The following MASTL variants were observed in gnomAD, a reference collection of about 807,000 sequenced individuals.
MASTL encodes the protein serine/threonine-protein kinase greatwall.
Under a neutral mutation model 82.5 loss-of-function variants are expected in MASTL, and 54 were observed. The ratio of observed to expected loss-of-function variants is 0.65; its 90% CI spans 0.53 to 0.82. MASTL has a LOEUF of 0.82. Among genes scored for constraint, MASTL ranks in the 40% least tolerant of loss-of-function variants. The pLI is 0.00. For missense variants in MASTL, 950 were observed against 1,047.8 expected (o/e 0.91, Z 1.29); for synonymous variants, 323 against 368.9 (o/e 0.88, Z 1.43).
At chr10:27,176,817 T>C (rs788217) in intron 9 of MASTL, among the ~76,000 whole-genome samples, 150,171 of 151,124 alleles carry the variant, frequency 0.99, 74,618 homozygotes, top group Middle Eastern at 1. Context: ...AAGAAAACTT[T>C]TTGAGGAGAC....
Position 27,186,608 on chromosome 10 carries a change from T to A in MASTL, c.*72T>A. 1 of 1,263,876 alleles carries A rather than the reference T, an allele frequency of 7.9e-7. No homozygotes were observed. Among genetic ancestry groups the A allele is most frequent in the Non-Finnish European group, 1.2e-6 (1 of 860,688 alleles). 78.3% of individuals were successfully genotyped at this position (1,263,876 alleles called of 1,614,324 possible). The stretch of plus-strand genomic sequence containing the variant: ...TGCATAATTATATACTCCTTAATAC[T>A]AGATTGATCTAAGGGGGAAAGATCA... On this transcript the variant is annotated 3_prime_UTR_variant, in exon 12 of 12. Transcript: ENST00000375940.
In MASTL at chr10:27,155,435, C is replaced by T. The variant is rs2057325059; in HGVS notation, c.9C>T (p.Pro3=). Residue 3 remains proline, a synonymous_variant, in exon 1 of 12, where the codon CCC becomes CCT. Coordinates refer to ENST00000375940, the MANE Select transcript of MASTL (RefSeq NM_001172303.3). MD[P]TAGSKKEPGG... ...CTGTATGCTGTCCAGCGATGGATCCCACCGCGGGAAGCAAGAAGGAGCCTG... is the reference window on the plus strand; with the variant it reads ...CTGTATGCTGTCCAGCGATGGATCCTACCGCGGGAAGCAAGAAGGAGCCTG... The T allele has an allele frequency of 3.7e-6, 6 of 1,610,028 alleles. No homozygotes were observed. Among genetic ancestry groups the T allele is most frequent in the Non-Finnish European group, 5.1e-6 (6 of 1,178,712 alleles).
rs1312577515 is a variant in MASTL, at chr10:27,167,123, A to T, written c.833A>T (p.Asn278Ile). ...ATAGGTCTTGAAACAGTTGCCTCCA[A>T]CCCAGGAATGCCTGTGAAGTGTCTA... ...LKSCLETVASNPGMPVKCLTS... is the reference protein window; with the variant it reads ...LKSCLETVASIPGMPVKCLTS... The change falls in exon 7 of 12, where the codon AAC becomes ATC. Residue 278 changes from asparagine (N) to isoleucine (I), a missense_variant. Asn to Ile is a moderately radical substitution (Grantham distance 149, BLOSUM62 -3). Transcript: ENST00000375940. 2 of 1,613,890 alleles carry T rather than the reference A, an allele frequency of 1.2e-6. No homozygotes were observed. Among genetic ancestry groups the T allele is most frequent in the African/African-American group, 2.7e-5 (2 of 74,908 alleles).
Position 27,187,127 on chromosome 10 carries a change from C to T in MASTL, c.*591C>T, listed in dbSNP as rs2058811194. Among the ~76,000 whole-genome samples, 1 of 151,996 alleles carries T rather than the reference C, an allele frequency of 6.6e-6. No individual in the cohort carries two copies. The highest frequency in any genetic ancestry group is 6.6e-5 in the Admixed American group (1 of 15,266). ...CCATCCTGGCCAACATAATGAAACCCCATCTCTACTGTAAATACACAAATT... is the reference window on the plus strand; with the variant it reads ...CCATCCTGGCCAACATAATGAAACCTCATCTCTACTGTAAATACACAAATT... On this transcript the variant is annotated 3_prime_UTR_variant, in exon 12 of 12. Coordinates refer to ENST00000375940, the MANE Select transcript of MASTL (RefSeq NM_001172303.3).
At chr10:27,181,447 T>C (rs1588734233) in intron 10 of MASTL, 33 bp from the exon 11 acceptor site, 2 of 1,440,364 alleles carry the variant, frequency 1.4e-6, no homozygotes, top group East Asian at 4.6e-5. Flanking sequence ...TGAGCAGTAA[T>C]AAACAAGTTT....
At chr10:27,162,840 G>C (rs1447490591) in intron 4 of MASTL, among the ~76,000 whole-genome samples, 1 of 152,138 alleles carries the variant, frequency 6.6e-6, no homozygotes, top group Admixed American at 6.5e-5. Flanking sequence ...AAGTTCAACA[G>C]TTATGAATAC....
chr10:27,155,599 T>G lies in MASTL; in HGVS notation c.173T>G (p.Leu58Trp). ...KVYLGQKGGKLYAVKVVKKAD... is the reference protein window; with the variant it reads ...KVYLGQKGGKWYAVKVVKKAD... Reference sequence around the variant, plus strand: ...TATCTGGGGCAGAAAGGCGGCAAATTGTATGCAGTAAAGGTAGGAAGTCAA... The same window carrying G: ...TATCTGGGGCAGAAAGGCGGCAAATGGTATGCAGTAAAGGTAGGAAGTCAA... The change falls in exon 1 of 12, where the codon TTG becomes TGG. Residue 58 changes from leucine (L) to tryptophan (W), a missense_variant. Transcript: ENST00000375940. 1 of 1,614,092 alleles carries G rather than the reference T, an allele frequency of 6.2e-7. No homozygotes were observed. The highest frequency in any genetic ancestry group is 8.5e-7 in the Non-Finnish European group (1 of 1,180,000).
chr10:27,180,688 A>C (rs1270410882), intron 9 of MASTL, among the ~76,000 whole-genome samples: 1 of 152,108 alleles, frequency 6.6e-6, no homozygotes, highest in Non-Finnish European at 1.5e-5. Context: ...CACCGCGCCC[A>C]GCTCTACCTT....
rs993476186 is a variant in MASTL, at chr10:27,159,397, A to G, written c.325-222A>G. 2.6e-5 allele frequency among the ~76,000 whole-genome samples: 4 copies of G among 152,198 alleles called. No homozygotes were observed. The highest frequency in any genetic ancestry group is 5.9e-5 in the Non-Finnish European group (4 of 68,032). On this transcript the variant is annotated intron_variant, in intron 2 of 11. Coordinates refer to ENST00000375940, the MANE Select transcript of MASTL (RefSeq NM_001172303.3). The surrounding 1 kb of genome is among the most constrained non-coding windows in gnomAD (Gnocchi z 4.0). ...CTTGGCCTCCCAAAGTGCTGAGATT[A>G]TAGGCGTGAGTCACTGTGCCCAGCC...
chr10:27,154,525 G>GT (rs2057291951), upstream of MASTL: 5 of 454,148 alleles, frequency 1.1e-5, no homozygotes, highest in East Asian at 6.8e-5. Context: ...GTCTTTAGCT[G>GT]TTTTTTAAGG....
intron 1 of MASTL, among the ~76,000 whole-genome samples, chr10:27,156,783 G>A (rs969753446): frequency 4.0e-5 from 6 of 151,570 alleles, no homozygotes; most frequent in African/African-American, 1.5e-4. Flanking sequence ...GCCTCCCAGA[G>A]TGCTGGGATT....
At chr10:27,168,750 G>A (rs2057819949) in intron 7 of MASTL, among the ~76,000 whole-genome samples, 1 of 152,156 alleles carries the variant, frequency 6.6e-6, no homozygotes, top group Non-Finnish European at 1.5e-5. Flanking sequence ...CCGGGAGGCA[G>A]AGGTTGCAGT....
intron 6 of MASTL, among the ~76,000 whole-genome samples, chr10:27,165,747 A>C (rs561821703): frequency 2.6e-4 from 40 of 151,790 alleles, no homozygotes; most frequent in African/African-American, 8.7e-4. Flanking sequence ...TCATCTCTAC[A>C]AAAATTAGCT....
At chr10:27,167,403 T>C (rs2057776424) in intron 7 of MASTL, 129 bp downstream of exon 7, 1 of 756,236 alleles carries the variant, frequency 1.3e-6, no homozygotes, top group Non-Finnish European at 2.2e-6. Context: ...ATAGTATTAA[T>C]CAGAAATTCA....
chr10:27,159,648 C>A lies in MASTL; in HGVS notation c.354C>A (p.Val118=). 7 of 1,549,280 alleles carry A rather than the reference C, an allele frequency of 4.5e-6. No homozygotes were observed. The highest frequency in any genetic ancestry group is 6.2e-6 in the Non-Finnish European group (7 of 1,121,364). Residue 118 remains valine (V), a synonymous_variant, in exon 3 of 12, where the codon GTC becomes GTA. Coordinates refer to ENST00000375940, the MANE Select transcript of MASTL (RefSeq NM_001172303.3). The surrounding 1 kb of genome is among the most constrained non-coding windows in gnomAD (Gnocchi z 4.0). The part of the protein sequence containing the change: ...LVMEYLIGGD[V]KSLLHIYGYF... ...TGGAATATCTTATTGGGGGAGATGT[C>A]AAGTCTCTCCTACATATATATGGTT...
At position 27,170,367 on chromosome 10, in the gene MASTL, C is replaced by A. The variant is rs749431813; in HGVS notation, c.1408C>A (p.His470Asn). Residue 470 changes from histidine to asparagine, a missense_variant, in exon 8 of 12, where the codon CAT (histidine) becomes AAT (asparagine). Physicochemically the swap from His to Asn is moderately conservative, Grantham distance 68. Coordinates refer to ENST00000375940, the MANE Select transcript of MASTL (RefSeq NM_001172303.3). ...QNKKTCVEYKHNEMTNCYTNQ... is the reference protein window; with the variant it reads ...QNKKTCVEYKNNEMTNCYTNQ... ...TAAAAAAACTTGTGTAGAGTATAAG[C>A]ATAACGAAATGACAAATTGTTATAC... 3 of 1,613,636 alleles carry A rather than the reference C, an allele frequency of 1.9e-6. No homozygotes were observed. Among genetic ancestry groups the A allele is most frequent in the Non-Finnish European group, 2.5e-6 (3 of 1,179,612 alleles).
At chr10:27,171,564 T>C (rs2057938366) in intron 8 of MASTL, among the ~76,000 whole-genome samples, 1 of 91,646 alleles carries the variant, frequency 1.1e-5, no homozygotes, top group Non-Finnish European at 2.6e-5. Context: ...CCCAAGTAGC[T>C]GGGATTATAA....
chr10:27,162,685 T>C (rs1224852677), intron 4 of MASTL, among the ~76,000 whole-genome samples: 1 of 151,880 alleles, frequency 6.6e-6, no homozygotes, highest in Admixed American at 6.6e-5. Context: ...AAAAGAAACA[T>C]ATTGTATTCT....
intron 6 of MASTL, among the ~76,000 whole-genome samples, chr10:27,166,073 G>A (rs181446162): frequency 9.9e-5 from 15 of 152,076 alleles, no homozygotes; most frequent in African/African-American, 3.6e-4. Context: ...TGGTCGTGGT[G>A]GTGGGCACCT....
Sources: allele counts gnomAD v4.1 joint callset (sites outside exome capture counted in the v4.1 genomes callset), GRCh38; gene constraint gnomAD v4.1.1; non-coding constraint Gnocchi (gnomAD v3.1); transcripts MANE v1.5; gene names NCBI Gene and HGNC (gene_info 2026-07-23, HGNC 2026-07-21).